The following FABP7 variants were observed in gnomAD, a reference collection of about 807,000 sequenced individuals.
FABP7 encodes the protein fatty acid-binding protein, brain.
In FABP7, 13 loss-of-function variants were observed where a neutral mutation model predicts 14.2. That is an observed-to-expected ratio of 0.91 (90% CI 0.59 to 1.45). FABP7 has a LOEUF of 1.45. Among genes scored for constraint, FABP7 ranks in the 40% most tolerant of loss-of-function variants. The pLI, the probability that FABP7 is intolerant of heterozygous loss-of-function variation, is 0.00. For synonymous variants in FABP7, 49 were observed against 51.4 expected (o/e 0.95, Z 0.20); for missense variants, 149 against 157.6 (o/e 0.95, Z 0.29).
upstream of FABP7, among the ~76,000 whole-genome samples, chr6:122,775,704 C>CAAAA (rs141823193): frequency 1.0e-4 from 15 of 149,586 alleles, no homozygotes; most frequent in Admixed American, 8.7e-4. Context: ...ACAACAACAA[C>CAAAA]AAAAAAAACA....
chr6:122,778,886 T>C (rs1780717052), upstream of FABP7, among the ~76,000 whole-genome samples: 1 of 152,190 alleles, frequency 6.6e-6, no homozygotes, highest in Non-Finnish European at 1.5e-5. Flanking sequence ...TAATCTTCTG[T>C]CCAGTTTTTC....
the FABP7 span, among the ~76,000 whole-genome samples, chr6:122,770,734 A>ATAC: frequency 6.6e-6 from 1 of 152,142 alleles, no homozygotes; most frequent in African/African-American, 2.4e-5. Flanking sequence ...CCAGTTTTAG[A>ATAC]TACTACTACT....
the FABP7 span, among the ~76,000 whole-genome samples, chr6:122,767,685 G>T: frequency 1.3e-5 from 2 of 151,432 alleles, no homozygotes; most frequent in South Asian, 2.1e-4. Flanking sequence ...CAGAGGTGGG[G>T]GGATAGCTTG....
chr6:122,759,960 A>C, the FABP7 span, among the ~76,000 whole-genome samples: 1 of 152,146 alleles, frequency 6.6e-6, no homozygotes, highest in African/African-American at 2.4e-5. Flanking sequence ...CTCTACTAAA[A>C]ATACAAAAAT....
At chr6:122,777,845 A>AAAATAAATAAATAAAT (rs56666229), upstream of FABP7, among the ~76,000 whole-genome samples, 24,503 of 143,622 alleles carry the variant, frequency 0.17, 2,420 homozygotes, top group Non-Finnish European at 0.22. Context: ...CCTTTCTCCA[A>AAAATAAATAAATAAAT]AAATAAATAA....
chr6:122,752,865 G>A, the FABP7 span, among the ~76,000 whole-genome samples: 1 of 152,152 alleles, frequency 6.6e-6, no homozygotes, highest in Non-Finnish European at 1.5e-5. Context: ...GTTCAAGAAA[G>A]TTATTAGTCA....
At chr6:122,765,469 T>C in the FABP7 span, among the ~76,000 whole-genome samples, 3 of 152,080 alleles carry the variant, frequency 2.0e-5, no homozygotes, top group Non-Finnish European at 4.4e-5. Flanking sequence ...ATAATGCTTT[T>C]GTTTATTGCA....
the FABP7 span, among the ~76,000 whole-genome samples, chr6:122,764,113 C>G: frequency 1.7e-4 from 26 of 152,138 alleles, no homozygotes; most frequent in Non-Finnish European, 3.5e-4. Flanking sequence ...GCACTATTCA[C>G]AATAGCGAAG....
chr6:122,766,072 A>G, the FABP7 span, among the ~76,000 whole-genome samples: 1 of 152,140 alleles, frequency 6.6e-6, no homozygotes, highest in African/African-American at 2.4e-5. Flanking sequence ...ACATGCTGTC[A>G]TATGGTAACT....
At chr6:122,767,596 C>T in the FABP7 span, among the ~76,000 whole-genome samples, 9 of 152,042 alleles carry the variant, frequency 5.9e-5, no homozygotes, top group South Asian at 1.0e-3. Context: ...AGCAAGTTAA[C>T]GGTTCAAATG....
At chr6:122,762,557 A>G in the FABP7 span, among the ~76,000 whole-genome samples, 6 of 152,168 alleles carry the variant, frequency 3.9e-5, no homozygotes, top group Admixed American at 3.9e-4. Context: ...CAGGCAGGAG[A>G]AAGAAATAAA....
At chr6:122,769,875 C>A in the FABP7 span, among the ~76,000 whole-genome samples, 2 of 152,002 alleles carry the variant, frequency 1.3e-5, no homozygotes, top group African/African-American at 4.8e-5. Context: ...TAAAATAATG[C>A]CGCAATTTTA....
chr6:122,762,406 T>C, the FABP7 span, among the ~76,000 whole-genome samples: 6 of 152,190 alleles, frequency 3.9e-5, no homozygotes, highest in Non-Finnish European at 7.3e-5. Flanking sequence ...TAATAAGAGC[T>C]ATTTATGACA....
upstream of FABP7, among the ~76,000 whole-genome samples, chr6:122,775,699 A>C (rs1780659895): frequency 1.7e-5 from 1 of 58,446 alleles, no homozygotes; most frequent in South Asian, 5.7e-4. Flanking sequence ...CAACAACAAC[A>C]ACAACAAAAA....
At chr6:122,754,275 T>C in the FABP7 span, among the ~76,000 whole-genome samples, 6 of 152,242 alleles carry the variant, frequency 3.9e-5, no homozygotes, top group Non-Finnish European at 2.9e-5. Flanking sequence ...TGGTCTTCAG[T>C]TGATGAATGT....
At chr6:122,772,234 C>T in the FABP7 span, among the ~76,000 whole-genome samples, 1 of 152,056 alleles carries the variant, frequency 6.6e-6, no homozygotes, top group Non-Finnish European at 1.5e-5. Flanking sequence ...AAGGAAGGTC[C>T]TGGGACTTTT....
At chr6:122,777,583 G>A (rs1042256710), upstream of FABP7, among the ~76,000 whole-genome samples, 5 of 152,158 alleles carry the variant, frequency 3.3e-5, no homozygotes, top group African/African-American at 1.2e-4. Flanking sequence ...CTAAGGTAAT[G>A]CAAGGCAAGA....
At chr6:122,783,097 C>T (rs1319252641) in intron 3 of FABP7, 5 of 985,250 alleles carry the variant, frequency 5.1e-6, no homozygotes, top group Non-Finnish European at 6.0e-6. Flanking sequence ...CACCAAAACC[C>T]CCTAAGTTCT....
the FABP7 span, among the ~76,000 whole-genome samples, chr6:122,766,311 A>G: frequency 9.6e-4 from 146 of 152,276 alleles, 3 homozygotes; most frequent in Admixed American, 8.2e-3. Flanking sequence ...TTCTTAGGGT[A>G]CAATATGCTA....
Sources: gnomAD v4.1 joint callset for allele counts (sites outside exome capture counted in the v4.1 genomes callset) on GRCh38, gnomAD v4.1.1 for gene constraint, MANE v1.5 for transcripts, NCBI Gene and HGNC (gene_info 2026-07-23, HGNC 2026-07-21) for gene names.